GALNT13: variants seen among roughly 807,000 people sequenced by gnomAD.
The protein encoded by GALNT13 is UDP-GalNAc:polypeptide N-acetylgalactosaminyltransferase 13.
Under a neutral mutation model 64.2 loss-of-function variants are expected in GALNT13, and 28 were observed. The ratio of observed to expected loss-of-function variants is 0.44; its 90% CI spans 0.32 to 0.60. The LOEUF (loss-of-function observed/expected upper bound fraction) is 0.60. Ranked by LOEUF, GALNT13 falls within the 20% of genes least tolerant of loss-of-function variation. The pLI is 0.05. For synonymous variants in GALNT13, 214 were observed against 224.6 expected, an observed-to-expected ratio of 0.95 and a Z score of 0.42; for missense variants, 577 against 669.8, an observed-to-expected ratio of 0.86 and a Z score of 1.53.
chr2:153,726,677 C>G, the GALNT13 span, among the ~76,000 whole-genome samples: 8 of 152,054 alleles, frequency 5.3e-5, no homozygotes, highest in African/African-American at 1.7e-4. Context: ...TGCGGTGGCT[C>G]ATGCCTGTAA....
At chr2:153,541,694 A>G in the GALNT13 span, among the ~76,000 whole-genome samples, 1 of 152,224 alleles carries the variant, frequency 6.6e-6, no homozygotes, top group Non-Finnish European at 1.5e-5. Flanking sequence ...GGAGGGGAAT[A>G]CATGCTTAGA....
chr2:154,327,395 C>G (rs554794654), intron 9 of GALNT13, among the ~76,000 whole-genome samples: 2 of 152,168 alleles, frequency 1.3e-5, no homozygotes, highest in African/African-American at 4.8e-5. Flanking sequence ...TGGAGGTTAA[C>G]TGGTAACACC....
chr2:153,179,522 T>G, the GALNT13 span, among the ~76,000 whole-genome samples: 1 of 152,162 alleles, frequency 6.6e-6, no homozygotes, highest in Admixed American at 6.5e-5. Flanking sequence ...TATGATTGCC[T>G]TAGTTTTTCA....
the GALNT13 span, among the ~76,000 whole-genome samples, chr2:153,436,133 T>C: frequency 6.6e-6 from 1 of 152,236 alleles, no homozygotes; most frequent in Non-Finnish European, 1.5e-5. Flanking sequence ...ATTATGTTTA[T>C]TGATATTCGT....
At chr2:153,413,919 C>T in the GALNT13 span, among the ~76,000 whole-genome samples, 1 of 152,086 alleles carries the variant, frequency 6.6e-6, no homozygotes, top group South Asian at 2.1e-4. Context: ...AAAGTATAAA[C>T]TTTATTATAT....
the GALNT13 span, among the ~76,000 whole-genome samples, chr2:153,425,578 C>A: frequency 6.6e-6 from 1 of 151,598 alleles, no homozygotes; most frequent in South Asian, 2.1e-4. Context: ...CTCCTATTTC[C>A]TTCCCTGCTA....
intron 3 of GALNT13, among the ~76,000 whole-genome samples, chr2:154,052,446 T>C (rs1352244662): frequency 2.6e-5 from 4 of 152,206 alleles, no homozygotes; most frequent in Non-Finnish European, 5.9e-5. Context: ...TCTTATCACC[T>C]CATTTAGATT....
At chr2:153,961,228 G>A (rs1277761825) in intron 3 of GALNT13, among the ~76,000 whole-genome samples, 7 of 152,142 alleles carry the variant, frequency 4.6e-5, no homozygotes, top group Non-Finnish European at 4.4e-5. Flanking sequence ...TTCATGTTTA[G>A]CAGGGAAGAA....
chr2:154,323,124 G>A (rs549958985), intron 9 of GALNT13, among the ~76,000 whole-genome samples: 7 of 151,488 alleles, frequency 4.6e-5, no homozygotes, highest in South Asian at 2.1e-4. Flanking sequence ...GATTATAAAC[G>A]CCATGTTTCA....
At chr2:153,729,441 AT>A in the GALNT13 span, among the ~76,000 whole-genome samples, 1 of 152,108 alleles carries the variant, frequency 6.6e-6, no homozygotes, top group Non-Finnish European at 1.5e-5. Context: ...GTTACTGATT[AT>A]TGTGTCATCT....
the GALNT13 span, among the ~76,000 whole-genome samples, chr2:153,813,699 A>C: frequency 6.6e-6 from 1 of 152,352 alleles, no homozygotes; most frequent in African/African-American, 2.4e-5. Flanking sequence ...CAGTGGCTGG[A>C]AATCTCAATC....
chr2:154,285,425 T>A (rs920431408), intron 8 of GALNT13, among the ~76,000 whole-genome samples: 34 of 152,132 alleles, frequency 2.2e-4, no homozygotes, highest in African/African-American at 8.0e-4. Context: ...ACAGTTTTAT[T>A]CTTTTGCATG....
At chr2:153,113,066 A>G in the GALNT13 span, among the ~76,000 whole-genome samples, 1 of 152,128 alleles carries the variant, frequency 6.6e-6, no homozygotes, top group Non-Finnish European at 1.5e-5. Flanking sequence ...ACATGTTGGT[A>G]TGTATGTCTT....
At chr2:153,428,512 G>A in the GALNT13 span, among the ~76,000 whole-genome samples, 1 of 152,166 alleles carries the variant, frequency 6.6e-6, no homozygotes, top group Admixed American at 6.6e-5. Context: ...CAACACTGGG[G>A]ATCACATTTT....
chr2:153,469,593 T>A, the GALNT13 span, among the ~76,000 whole-genome samples: 1 of 152,052 alleles, frequency 6.6e-6, no homozygotes, highest in South Asian at 2.1e-4. Context: ...CTCTCTGGGT[T>A]AGGATATGAG....
At chr2:153,563,926 G>A in the GALNT13 span, among the ~76,000 whole-genome samples, 2 of 151,914 alleles carry the variant, frequency 1.3e-5, no homozygotes, top group Admixed American at 6.6e-5. Context: ...ATCCTTATTC[G>A]ATTTTCACAA....
chr2:154,406,396 T>C (rs1254993323), intron 10 of GALNT13, among the ~76,000 whole-genome samples: 1 of 152,178 alleles, frequency 6.6e-6, no homozygotes, highest in Non-Finnish European at 1.5e-5. Flanking sequence ...ACCATGCCTA[T>C]GCTAAAACTC....
the GALNT13 span, among the ~76,000 whole-genome samples, chr2:153,353,713 A>T: frequency 6.6e-6 from 1 of 152,070 alleles, no homozygotes; most frequent in South Asian, 2.1e-4. Context: ...GGATCATGTG[A>T]TATTTTTTCT....
the GALNT13 span, among the ~76,000 whole-genome samples, chr2:153,080,308 G>A: frequency 6.6e-6 from 1 of 152,018 alleles, no homozygotes; most frequent in Admixed American, 6.6e-5. Flanking sequence ...ATTGATAAAT[G>A]TATTTATGCT....
Sources: gnomAD v4.1 joint callset for allele counts (sites outside exome capture counted in the v4.1 genomes callset) on GRCh38, gnomAD v4.1.1 for gene constraint, MANE v1.5 for transcripts, NCBI Gene and HGNC (gene_info 2026-07-23, HGNC 2026-07-21) for gene names.